Variants in PXDNL observed in about 807,000 individuals in gnomAD.
PXDNL encodes peroxidasin like.
A neutral mutation model predicts 150.8 loss-of-function variants in PXDNL; 145 were observed. The ratio of observed to expected loss-of-function variants is 0.96; its 90% confidence interval spans 0.84 to 1.10. PXDNL has a LOEUF of 1.10. Ranked by LOEUF, PXDNL falls within the 50% of genes least tolerant of loss-of-function variation. The probability of loss-of-function intolerance (pLI) is 0.00; values close to 1 mark genes in which losing one functional copy is unlikely to be tolerated. For missense variants in PXDNL, 2,087 were observed against 1,873.9 expected (o/e 1.11, Z -2.10); for synonymous variants, 757 against 725.7 (o/e 1.04, Z -0.69).
At position 51,408,472 on chromosome 8, in the gene PXDNL, G is replaced by C; in HGVS notation, c.3152C>G (p.Ala1051Gly). The C allele has an allele frequency of 6.2e-7, 1 of 1,613,832 alleles. No homozygotes were observed. The highest frequency in any genetic ancestry group is 8.5e-7 in the Non-Finnish European group (1 of 1,179,802). ...NAGIINSFAT[A>G]AFRFGHTLIN... ...TAATGTGTGGCCAAATCTAAAGGCT[G>C]CAGTAGCAAAAGAGTTAATGATGCC... Residue 1051 changes from alanine (A) to glycine (G), a missense_variant, in exon 17 of 23, where the codon GCA becomes GGA. Ala to Gly is a moderately conservative substitution (Grantham distance 60). Coordinates refer to ENST00000356297, the MANE Select transcript of PXDNL (RefSeq NM_144651.5).
At chr8:51,505,860 C>A in intron 4 of PXDNL, among the ~76,000 whole-genome samples, 1 of 152,330 alleles carries the variant, frequency 6.6e-6, no homozygotes, top group East Asian at 1.9e-4. Context: ...CACAAACTTT[C>A]TGTATAATAA....
intron 1 of PXDNL, among the ~76,000 whole-genome samples, chr8:51,699,218 G>C (rs1167588221): frequency 6.6e-6 from 1 of 152,192 alleles, no homozygotes; most frequent in East Asian, 1.9e-4. Context: ...GTCCTAGATG[G>C]TATTTTCTTC....
At position 51,319,914 on chromosome 8, in the gene PXDNL, T is replaced by G; in HGVS notation, c.4369A>C (p.Ser1457Arg). The change falls in exon 23 of 23, where the codon AGT becomes CGT. Residue 1457 changes from serine (S) to arginine (R), a missense_variant. Transcript: ENST00000356297. ...TATTAGCGCTTCTCTGGGGAATCAC[T>G]TGGCATTCCTCGGTCTCTGCAAACT... ...CPVCRDRGMP[S>R]DSPEKR The G allele has an allele frequency of 6.5e-7, 1 of 1,550,326 alleles. No homozygotes were observed. Among genetic ancestry groups the G allele is most frequent in the Non-Finnish European group, 8.7e-7 (1 of 1,152,128 alleles).
chr8:51,608,006 A>AAGG (rs1563481601), intron 2 of PXDNL, among the ~76,000 whole-genome samples: 91 of 45,660 alleles, frequency 2.0e-3, no homozygotes, highest in African/African-American at 3.5e-3. Context: ...AGGAAGGAAG[A>AAGG]AAGAAAGAAA....
chr8:51,576,699 CAGAA>C (rs1489403644), intron 3 of PXDNL, among the ~76,000 whole-genome samples: 1 of 151,270 alleles, frequency 6.6e-6, no homozygotes, highest in Non-Finnish European at 1.5e-5. Context: ...AGATAAACAA[CAGAA>C]AATCAGAGAA....
rs1219653032 is a variant in PXDNL at position 51,453,634 on chromosome 8, T to C, written c.1134A>G (p.Ala378=). ...GLELDGSRHV[A]TSSGLYLQNI... is the part of the protein sequence containing the mutation. ...TCTGTAAGTAAAGTCCACTGGACGT[T>C]GCCACGTGCCTGGATCCATCCAGCT... The change falls in exon 10 of 23, where the codon GCA becomes GCG. Residue 378 remains alanine, a synonymous_variant. Transcript: ENST00000356297. 1 of 1,614,016 alleles carries C rather than the reference T, an allele frequency of 6.2e-7. No homozygotes were observed. Among genetic ancestry groups the C allele is most frequent in the South Asian group, 1.1e-5 (1 of 91,082 alleles).
intron 21 of PXDNL, among the ~76,000 whole-genome samples, chr8:51,331,317 G>T (rs1166967780): frequency 2.0e-5 from 3 of 152,196 alleles, no homozygotes; most frequent in African/African-American, 7.2e-5. Flanking sequence ...AGGCAGCAGG[G>T]AGGCCCTGGG....
rs181266142 is a variant in PXDNL at position 51,628,885 on chromosome 8, A to T, written c.236+25804T>A. Reference sequence around the variant, plus strand: ...CAAACAGCTACAGACCATAGCAAACAAAAACAAATCTTGAAGAGGGGAAAA... The same window carrying T: ...CAAACAGCTACAGACCATAGCAAACTAAAACAAATCTTGAAGAGGGGAAAA... On this transcript the variant is annotated intron_variant, in intron 2 of 22. Transcript: ENST00000356297. 4.8e-3 allele frequency among the ~76,000 whole-genome samples: 729 copies of T among 150,546 alleles called. 6 individuals carry two copies. The highest frequency in any genetic ancestry group is 0.018 in the African/African-American group (704 of 39,872).
intron 2 of PXDNL, among the ~76,000 whole-genome samples, chr8:51,613,119 T>C (rs951114330): frequency 3.9e-5 from 6 of 152,106 alleles, no homozygotes; most frequent in Non-Finnish European, 7.4e-5. Flanking sequence ...TGATAAGCAA[T>C]TGACTATGGG....
chr8:51,527,118 A>T (rs555757833), intron 4 of PXDNL, among the ~76,000 whole-genome samples: 1 of 152,284 alleles, frequency 6.6e-6, no homozygotes, highest in South Asian at 2.1e-4. Context: ...GGATGCATGC[A>T]GCCTATTTCT....
At chr8:51,545,723 C>T (rs60447705) in intron 4 of PXDNL, among the ~76,000 whole-genome samples, 2,821 of 152,306 alleles carry the variant, frequency 0.019, 36 homozygotes, top group African/African-American at 0.034. Context: ...ATGTGGAACT[C>T]ACCCCCACAG....
At chr8:51,799,649 T>G (rs573424284) in intron 1 of PXDNL, among the ~76,000 whole-genome samples, 1 of 152,176 alleles carries the variant, frequency 6.6e-6, no homozygotes, top group African/African-American at 2.4e-5. Flanking sequence ...ACTATACTTG[T>G]CTTTAGAGTT....
At chr8:51,631,420 C>T (rs1349971220) in intron 2 of PXDNL, among the ~76,000 whole-genome samples, 1 of 152,030 alleles carries the variant, frequency 6.6e-6, no homozygotes, top group East Asian at 1.9e-4. Flanking sequence ...CACATGTACC[C>T]CTCAACCTAA....
At chr8:51,665,176 C>T (rs1815356698) in intron 1 of PXDNL, among the ~76,000 whole-genome samples, 1 of 152,184 alleles carries the variant, frequency 6.6e-6, no homozygotes, top group Admixed American at 6.5e-5. Context: ...CTCTGGGAAC[C>T]CCTGTGCTCC....
intron 5 of PXDNL, among the ~76,000 whole-genome samples, chr8:51,490,680 A>G (rs1810870072): frequency 6.7e-6 from 1 of 150,256 alleles, no homozygotes; most frequent in African/African-American, 2.4e-5. Flanking sequence ...ATATATACAT[A>G]TATACACATA....
intron 3 of PXDNL, among the ~76,000 whole-genome samples, chr8:51,565,095 A>T (rs1812789895): frequency 6.6e-6 from 1 of 151,748 alleles, no homozygotes; most frequent in South Asian, 2.1e-4. Flanking sequence ...TAATCCAAAA[A>T]TGTGAAATCT....
intron 1 of PXDNL, among the ~76,000 whole-genome samples, chr8:51,692,122 A>T (rs1816014496): frequency 6.6e-6 from 1 of 152,208 alleles, no homozygotes; most frequent in African/African-American, 2.4e-5. Context: ...GTAAAAGACA[A>T]CTAGCCTTAA....
chr8:51,514,460 G>A (rs2979125), intron 4 of PXDNL, among the ~76,000 whole-genome samples: 3,180 of 152,258 alleles, frequency 0.021, 40 homozygotes, highest in Middle Eastern at 0.044. Context: ...TTTAAGACGC[G>A]GGGCAGCAGA....
At chr8:51,433,366 A>T (rs2129817167) in intron 12 of PXDNL, among the ~76,000 whole-genome samples, 1 of 152,092 alleles carries the variant, frequency 6.6e-6, no homozygotes, top group African/African-American at 2.4e-5. Flanking sequence ...TTCTCTTAAT[A>T]ATTAGTTAAT....
Sources: allele counts gnomAD v4.1 joint callset (sites outside exome capture counted in the v4.1 genomes callset), GRCh38; gene constraint gnomAD v4.1.1; transcripts MANE v1.5; gene names NCBI Gene and HGNC (gene_info 2026-07-23, HGNC 2026-07-21).